Variants in PLCL2 observed in about 807,000 individuals in gnomAD.
PLCL2 encodes the protein phospholipase C like 2.
In PLCL2, 4 loss-of-function variants were observed where a neutral mutation model predicts 79.6. The observed-to-expected ratio is 0.05, with a 90% CI of 0.02 to 0.11. PLCL2 has a LOEUF of 0.11. Ranked by LOEUF, PLCL2 falls within the 10% of genes least tolerant of loss-of-function variation. The probability of loss-of-function intolerance (pLI) is 1.00; values close to 1 mark genes in which losing one functional copy is unlikely to be tolerated. For missense variants in PLCL2, 895 were observed against 1,291.0 expected (o/e 0.69, Z 4.70); for synonymous variants, 484 against 457.7 (o/e 1.06, Z -0.73).
At chr3:16,942,148 G>A (rs2063553560) in intron 1 of PLCL2, among the ~76,000 whole-genome samples, 1 of 152,148 alleles carries the variant, frequency 6.6e-6, no homozygotes, top group Non-Finnish European at 1.5e-5. Context: ...TAATAACTGT[G>A]GGCCCCCAGA....
At chr3:16,910,016 C>A (rs1696840588) in intron 1 of PLCL2, among the ~76,000 whole-genome samples, 1 of 152,190 alleles carries the variant, frequency 6.6e-6, no homozygotes, top group African/African-American at 2.4e-5. Flanking sequence ...TCTCCATCCA[C>A]ACAAAAGATC....
intron 1 of PLCL2, among the ~76,000 whole-genome samples, chr3:16,991,808 A>G (rs2064108023): frequency 6.6e-6 from 1 of 152,254 alleles, no homozygotes; most frequent in African/African-American, 2.4e-5. Flanking sequence ...GGAATAAAAC[A>G]TGGTTTAGCT....
intron 1 of PLCL2, among the ~76,000 whole-genome samples, chr3:16,957,600 CGTT>C (rs1559498251): frequency 6.6e-6 from 1 of 152,036 alleles, no homozygotes; most frequent in African/African-American, 2.4e-5. Flanking sequence ...CTTTCTGTCT[CGTT>C]GATCTGTCTA....
At chr3:17,051,114 T>G (rs2064834107) in intron 4 of PLCL2, among the ~76,000 whole-genome samples, 1 of 150,034 alleles carries the variant, frequency 6.7e-6, no homozygotes, top group African/African-American at 2.5e-5. Context: ...TTAATGGAGA[T>G]AGAGAATGGA....
At chr3:17,081,471 T>C in intron 5 of PLCL2, 1 of 278,408 alleles carries the variant, frequency 3.6e-6, no homozygotes, top group Non-Finnish European at 7.1e-6. Context: ...AAAAGGACTT[T>C]GAAAAAATTA....
chr3:16,896,571 C>T (rs1575515616), intron 1 of PLCL2, among the ~76,000 whole-genome samples: 1 of 152,200 alleles, frequency 6.6e-6, no homozygotes, highest in African/African-American at 2.4e-5. Context: ...GAGAACCACT[C>T]GTTTGTGGAG....
At chr3:17,075,890 G>C (rs988840412) in intron 5 of PLCL2, among the ~76,000 whole-genome samples, 1 of 152,116 alleles carries the variant, frequency 6.6e-6, no homozygotes, top group Non-Finnish European at 1.5e-5. Context: ...TCTGTTTTAT[G>C]GATATAACAC....
chr3:16,978,343 C>T (rs2063947321), intron 1 of PLCL2, among the ~76,000 whole-genome samples: 1 of 152,214 alleles, frequency 6.6e-6, no homozygotes, highest in South Asian at 2.1e-4. Flanking sequence ...CTGTGGTCCT[C>T]AATTTCATCA....
chr3:17,027,632 TTC>T (rs2064531532), intron 3 of PLCL2, among the ~76,000 whole-genome samples: 1 of 152,240 alleles, frequency 6.6e-6, no homozygotes, highest in Non-Finnish European at 1.5e-5. Flanking sequence ...TTTCTTTCTT[TTC>T]TCTTTTTCCT....
At chr3:16,968,866 A>G (rs2063830961) in intron 1 of PLCL2, among the ~76,000 whole-genome samples, 1 of 152,118 alleles carries the variant, frequency 6.6e-6, no homozygotes, top group African/African-American at 2.4e-5. Context: ...CCCATTCAGT[A>G]TGATGTTGGC....
intron 3 of PLCL2, among the ~76,000 whole-genome samples, chr3:17,027,445 T>C (rs2064529008): frequency 6.6e-6 from 1 of 152,136 alleles, no homozygotes; most frequent in Non-Finnish European, 1.5e-5. Flanking sequence ...CAAAGTTGAG[T>C]AGGGTAGTTG....
chr3:16,931,135 T>C (rs1375923071), intron 1 of PLCL2, among the ~76,000 whole-genome samples: 1 of 150,616 alleles, frequency 6.6e-6, no homozygotes, highest in African/African-American at 2.4e-5. Flanking sequence ...ATGCATTCAC[T>C]TCTTCCTCTG....
At chr3:17,061,541 C>T (rs1467107106) in intron 4 of PLCL2, among the ~76,000 whole-genome samples, 1 of 151,004 alleles carries the variant, frequency 6.6e-6, no homozygotes. Context: ...GCTTTTAAGC[C>T]CTTCAGGAAA....
intron 3 of PLCL2, among the ~76,000 whole-genome samples, chr3:17,031,289 G>A (rs1455849972): frequency 3.3e-5 from 5 of 152,110 alleles, no homozygotes; most frequent in Admixed American, 3.3e-4. Flanking sequence ...CTCTTTCCAG[G>A]CACTTACTAG....
intron 1 of PLCL2, among the ~76,000 whole-genome samples, chr3:16,940,558 C>T (rs544117194): frequency 3.2e-4 from 49 of 152,250 alleles, no homozygotes; most frequent in South Asian, 1.0e-3. Flanking sequence ...ACCTGGGTGA[C>T]AGGCTCAATC....
chr3:17,035,036 C>T (rs1575597671), intron 3 of PLCL2, among the ~76,000 whole-genome samples: 1 of 152,198 alleles, frequency 6.6e-6, no homozygotes, highest in Non-Finnish European at 1.5e-5. Context: ...GATTCTGGAG[C>T]ATCATGCAAC....
rs60825850 is a variant in PLCL2 at position 17,021,630 on chromosome 3, A to ACACC, written c.3018+6720_3018+6721insACCC. On this transcript the variant is annotated intron_variant, in intron 3 of 5. Transcript: ENST00000615277. The stretch of plus-strand genomic sequence containing the variant: ...CACACACACACACACACACACACAC[A>ACACC]CCCCAGATACTAAGCAAGGAACAGT... Among the ~76,000 whole-genome samples the ACACC allele has an allele frequency of 7.6e-3, 1,047 of 137,834 alleles. 14 individuals are homozygous for ACACC. Among genetic ancestry groups the ACACC allele is most frequent in the African/African-American group, 0.026 (901 of 34,012 alleles). The allele number at this position is 137,834 out of a possible 152,430, so 90.4% of individuals were successfully genotyped here.
intron 1 of PLCL2, among the ~76,000 whole-genome samples, chr3:16,960,426 A>G (rs1158718944): frequency 6.6e-6 from 1 of 152,132 alleles, no homozygotes; most frequent in Non-Finnish European, 1.5e-5. Context: ...AGCACTAATC[A>G]TCTAGCTGTT....
chr3:17,031,921 A>G (rs867257178), intron 3 of PLCL2, among the ~76,000 whole-genome samples: 11 of 131,620 alleles, frequency 8.4e-5, no homozygotes, highest in African/African-American at 1.2e-4. Context: ...TTGTTGCTCA[A>G]TTTTCACCTT....
Sources: allele counts gnomAD v4.1 joint callset (sites outside exome capture counted in the v4.1 genomes callset), GRCh38; gene constraint gnomAD v4.1.1; transcripts MANE v1.5; gene names NCBI Gene and HGNC (gene_info 2026-07-23, HGNC 2026-07-21).